TMEM87B: variants seen among roughly 807,000 people sequenced by gnomAD.
The protein encoded by TMEM87B is transmembrane protein 87B.
In TMEM87B, 83 loss-of-function variants were observed where a neutral mutation model predicts 80.3. The observed-to-expected ratio is 1.03, with a 90% CI of 0.87 to 1.24. The LOEUF (loss-of-function observed/expected upper bound fraction) is 1.24, where lower values mean the gene tolerates loss of function less well. Among genes scored for constraint, TMEM87B ranks in the 50% most tolerant of loss-of-function variants. The pLI is 0.00. For synonymous variants in TMEM87B, 219 were observed against 230.5 expected (o/e 0.95, Z 0.45); for missense variants, 625 against 674.4 (o/e 0.93, Z 0.81).
intron 17 of TMEM87B, among the ~76,000 whole-genome samples, chr2:112,111,141 T>C (rs1679898608): frequency 6.6e-6 from 1 of 152,222 alleles, no homozygotes; most frequent in Non-Finnish European, 1.5e-5. Context: ...GTGGTGTTTT[T>C]TTGGTAATGC....
Position 112,117,737 on chromosome 2 carries a change from C to T in TMEM87B, c.*1594C>T, listed in dbSNP as rs2104513451. 1 of 152,196 alleles carries T rather than the reference C, an allele frequency of 6.6e-6. No individual in the cohort carries two copies. Among genetic ancestry groups the T allele is most frequent in the East Asian group, 1.9e-4 (1 of 5,168 alleles). The allele number at this position is 152,196 out of a possible 1,614,324, so 9.4% of individuals were successfully genotyped here. A position where few individuals can be genotyped will look rare whatever the true frequency, so the allele number is the denominator to read the frequency against. On this transcript the variant is annotated 3_prime_UTR_variant, in exon 19 of 19. Transcript: ENST00000283206. ...TTCTGCTGCAGTAATGGGTTCCCAC[C>T]CACTATAATTCCCAGCATTTATGTT...
At chr2:112,095,582 T>A in intron 11 of TMEM87B, 1 of 630,486 alleles carries the variant, frequency 1.6e-6, no homozygotes, top group Non-Finnish European at 2.0e-6. Context: ...ATTTAAGGAA[T>A]AAAGTATATT....
chr2:112,055,799 G>A, intron 1 of TMEM87B, 43 bp downstream of exon 1: 2 of 1,447,602 alleles, frequency 1.4e-6, no homozygotes, highest in Non-Finnish European at 1.8e-6. Flanking sequence ...GTCTCGGGCC[G>A]TCAGGGCCGT....
chr2:112,058,788 G>A (rs116046835), intron 1 of TMEM87B, among the ~76,000 whole-genome samples: 1,869 of 152,328 alleles, frequency 0.012, 68 homozygotes, highest in Admixed American at 0.073. Context: ...CTAAATTAGG[G>A]CAGTGGTGAC....
At position 112,094,027 on chromosome 2, in the gene TMEM87B, G is replaced by A. The variant is rs1356653992; in HGVS notation, c.1104+2244G>A. Among the ~76,000 whole-genome samples, 6 of 152,118 alleles carry A rather than the reference G, an allele frequency of 3.9e-5. No homozygotes were observed. The East Asian group carries it at 5.8e-4, about 15-fold the overall frequency. On this transcript the variant is annotated intron_variant, in intron 11 of 18. Transcript: ENST00000283206. The stretch of plus-strand genomic sequence containing the variant: ...TTAGAATTGTCTTGTTTCTAAAACC[G>A]TGTATGCTTGGAACTTTAACAAGTT...
At chr2:112,071,311 C>T (rs1461325100) in intron 4 of TMEM87B, among the ~76,000 whole-genome samples, 3 of 142,524 alleles carry the variant, frequency 2.1e-5, no homozygotes, top group African/African-American at 2.7e-5. Context: ...CCCCCGCCCC[C>T]CCGCCGCCGC....
chr2:112,079,588 C>T (rs575274295), intron 6 of TMEM87B, among the ~76,000 whole-genome samples: 43 of 152,272 alleles, frequency 2.8e-4, no homozygotes, highest in African/African-American at 1.0e-3. Context: ...GTGCAGACAG[C>T]TCTTTGACAA....
intron 18 of TMEM87B, among the ~76,000 whole-genome samples, chr2:112,115,381 T>A (rs111934106): frequency 8.4e-6 from 1 of 119,672 alleles, no homozygotes; most frequent in Admixed American, 8.1e-5. Flanking sequence ...TACAGAAAGA[T>A]GTAGCATTAC....
chr2:112,112,183 C>A (rs1573732199), intron 17 of TMEM87B, among the ~76,000 whole-genome samples: 1 of 152,208 alleles, frequency 6.6e-6, no homozygotes, highest in East Asian at 1.9e-4. Context: ...TTCCTTCAGG[C>A]TCTCCTCCCT....
intron 15 of TMEM87B, 67 bp downstream of exon 15, chr2:112,100,762 C>A: frequency 9.9e-7 from 1 of 1,012,694 alleles, no homozygotes; most frequent in South Asian, 1.6e-5. Context: ...GTACCTTTAC[C>A]CGTGATGCAA....
intron 8 of TMEM87B, among the ~76,000 whole-genome samples, chr2:112,083,514 T>C (rs189564064): frequency 2.6e-5 from 4 of 152,332 alleles, no homozygotes; most frequent in Admixed American, 6.5e-5. Flanking sequence ...ACTTCCATCA[T>C]TGCAAAAGGG....
intron 9 of TMEM87B, among the ~76,000 whole-genome samples, chr2:112,088,824 T>C (rs1679222006): frequency 5.3e-5 from 8 of 152,148 alleles, no homozygotes. Context: ...AGTGGTGCGA[T>C]CTTGGCTCAC....
chr2:112,067,593 C>T (rs558159266), intron 4 of TMEM87B, among the ~76,000 whole-genome samples: 33 of 151,912 alleles, frequency 2.2e-4, no homozygotes, highest in Admixed American at 1.2e-3. Context: ...AGCGAGACTC[C>T]GTCTCAAAAA....
intron 14 of TMEM87B, among the ~76,000 whole-genome samples, chr2:112,099,581 C>G (rs1679573427): frequency 6.8e-6 from 1 of 146,356 alleles, no homozygotes; most frequent in African/African-American, 2.5e-5. Context: ...TATACATACA[C>G]ATACTGTTCT....
rs747975551 is a variant in TMEM87B at position 112,055,585 on chromosome 2, G to A, written c.-7G>A. ...CTCGGAGCGCCAGGTGCAGCTTCCTGGTCAAGATGGTCGCCGCCTGCCGCT... is the reference window on the plus strand; with the variant it reads ...CTCGGAGCGCCAGGTGCAGCTTCCTAGTCAAGATGGTCGCCGCCTGCCGCT... On this transcript the variant is annotated 5_prime_UTR_variant, in exon 1 of 19. Transcript: ENST00000283206. The A allele has an allele frequency of 2.0e-5, 31 of 1,513,226 alleles. No homozygotes were observed. In the East Asian group the frequency reaches 8.0e-4, roughly 39 times the overall value. The allele number at this position is 1,513,226 out of a possible 1,614,324, so 93.7% of individuals were successfully genotyped here.
intron 13 of TMEM87B, among the ~76,000 whole-genome samples, chr2:112,097,774 C>T (rs1278202177): frequency 6.6e-6 from 1 of 151,418 alleles, no homozygotes; most frequent in Admixed American, 6.6e-5. Context: ...AAAAGTTCCT[C>T]CGAAATCTCC....
At chr2:112,104,557 TGATA>T (rs1003204914) in intron 15 of TMEM87B, among the ~76,000 whole-genome samples, 10 of 152,200 alleles carry the variant, frequency 6.6e-5, no homozygotes, top group Middle Eastern at 3.2e-3. Context: ...TTAAAAAGTC[TGATA>T]GATAGCATGA....
chr2:112,100,549 G>T, intron 14 of TMEM87B, 73 bp from the exon 15 acceptor site: 1 of 901,304 alleles, frequency 1.1e-6, no homozygotes, highest in African/African-American at 1.7e-5. Context: ...TTTATACAAT[G>T]GCTTTTAGAT....
intron 8 of TMEM87B, 57 bp downstream of exon 8, chr2:112,081,575 T>A: frequency 2.0e-6 from 3 of 1,498,506 alleles, no homozygotes; most frequent in Non-Finnish European, 1.8e-6. Context: ...CCAGTATTTA[T>A]GAGCAGAGCA....
Sources: gnomAD v4.1 joint callset for allele counts (sites outside exome capture counted in the v4.1 genomes callset) on GRCh38, gnomAD v4.1.1 for gene constraint, MANE v1.5 for transcripts, NCBI Gene and HGNC (gene_info 2026-07-23, HGNC 2026-07-21) for gene names.